The following CDH13 variants were observed in gnomAD, a reference collection of about 807,000 sequenced individuals.
CDH13 encodes cadherin 13, also known as cadherin-13.
A neutral mutation model predicts 63.8 loss-of-function variants in CDH13; 24 were observed. The ratio of observed to expected loss-of-function variants is 0.38; its 90% CI spans 0.27 to 0.53. The LOEUF is 0.53. CDH13 is among the 20% of genes least tolerant of loss of function. The probability of loss-of-function intolerance (pLI) is 0.85; values close to 1 mark genes in which losing one functional copy is unlikely to be tolerated. For synonymous variants in CDH13, 503 were observed against 355.3 expected, an observed-to-expected ratio of 1.42 and a Z score of -4.67; for missense variants, 1,049 against 903.1, an observed-to-expected ratio of 1.16 and a Z score of -2.07.
At chr16:82,872,627 G>T (rs1256224479) in intron 2 of CDH13, among the ~76,000 whole-genome samples, 3 of 152,132 alleles carry the variant, frequency 2.0e-5, no homozygotes, top group African/African-American at 7.2e-5. Context: ...CCCTCTATTT[G>T]TTCTTTTCAC....
chr16:83,286,496 C>G (rs924308711), intron 5 of CDH13, among the ~76,000 whole-genome samples: 2 of 152,086 alleles, frequency 1.3e-5, no homozygotes, highest in Non-Finnish European at 2.9e-5. Context: ...TTCTTCACAC[C>G]TGTAATCCCA....
chr16:83,723,899 G>A (rs1485827021), intron 10 of CDH13, among the ~76,000 whole-genome samples: 3 of 152,244 alleles, frequency 2.0e-5, no homozygotes, highest in African/African-American at 4.8e-5. Flanking sequence ...TGGATGGATA[G>A]ATGGATGGAT....
intron 10 of CDH13, among the ~76,000 whole-genome samples, chr16:83,718,194 C>G (rs1909204830): frequency 6.6e-6 from 1 of 152,170 alleles, no homozygotes; most frequent in Admixed American, 6.5e-5. Flanking sequence ...TCTGCATTGT[C>G]CATCCAGCCA....
chr16:82,977,799 C>G (rs1365106148), intron 2 of CDH13, among the ~76,000 whole-genome samples: 1 of 152,120 alleles, frequency 6.6e-6, no homozygotes, highest in African/African-American at 2.4e-5. Flanking sequence ...GAGGTAGGAA[C>G]AGTTTGGAGG....
chr16:83,760,587 A>G (rs985773225), intron 11 of CDH13, among the ~76,000 whole-genome samples: 3 of 152,252 alleles, frequency 2.0e-5, no homozygotes, highest in African/African-American at 7.2e-5. Context: ...GGCTGAAACA[A>G]GAACACACAT....
Position 83,047,429 on chromosome 16 carries a change from T to C in CDH13, c.366+15211T>C, listed in dbSNP as rs1459461444. 6.6e-6 allele frequency among the ~76,000 whole-genome samples: 1 copy of C among 152,186 alleles called. No homozygotes were observed. The highest frequency in any genetic ancestry group is 2.4e-5 in the African/African-American group (1 of 41,440). ...GCCCTTGTTAACAAAGCCTAGTCTG[T>C]AAGAGCGTGACCACCAGTCTTATTT... On this transcript the variant is annotated intron_variant, in intron 3 of 13. Transcript: ENST00000567109. This position sits in a 1 kb window ranked among gnomAD's most constrained non-coding sequence, Gnocchi z 4.9.
chr16:83,369,945 C>T (rs1488064678), intron 6 of CDH13, among the ~76,000 whole-genome samples: 1 of 152,224 alleles, frequency 6.6e-6, no homozygotes, highest in Non-Finnish European at 1.5e-5. Context: ...TGTCCCTAGA[C>T]TCCCATTCCC....
chr16:82,911,431 G>A (rs1259493366), intron 2 of CDH13, among the ~76,000 whole-genome samples: 1 of 152,062 alleles, frequency 6.6e-6, no homozygotes, highest in Non-Finnish European at 1.5e-5. Context: ...TCCCTGTTTA[G>A]GAAAAAGTGA....
At chr16:83,077,186 CTTTTTTTTTTTTTTT>C (rs34536219) in intron 3 of CDH13, among the ~76,000 whole-genome samples, 3 of 59,144 alleles carry the variant, frequency 5.1e-5, no homozygotes, top group Admixed American at 2.7e-4. Context: ...TTTTTCTTTT[CTTTTTTTTTTTTTTT>C]TTTTTTTTTG....
chr16:83,330,651 G>T (rs887122266), intron 5 of CDH13, among the ~76,000 whole-genome samples: 3 of 152,188 alleles, frequency 2.0e-5, no homozygotes, highest in East Asian at 1.9e-4. Flanking sequence ...GGCCAACTCA[G>T]TACTGAATCC....
At chr16:83,710,769 C>A (rs567740291) in intron 10 of CDH13, among the ~76,000 whole-genome samples, 16 of 152,316 alleles carry the variant, frequency 1.1e-4, no homozygotes, top group Non-Finnish European at 2.1e-4. Flanking sequence ...GTGACTGCCA[C>A]CTCTAAGCAC....
chr16:83,057,732 C>A (rs567448397), intron 3 of CDH13, among the ~76,000 whole-genome samples: 1 of 152,082 alleles, frequency 6.6e-6, no homozygotes, highest in Admixed American at 6.5e-5. Flanking sequence ...TAAGACTTGA[C>A]AATACTAATT....
intron 6 of CDH13, among the ~76,000 whole-genome samples, chr16:83,354,412 A>G (rs541566509): frequency 1.3e-5 from 2 of 152,278 alleles, no homozygotes; most frequent in South Asian, 2.1e-4. Flanking sequence ...GGCAGTTTCT[A>G]TGAGTCAGAT....
intron 11 of CDH13, among the ~76,000 whole-genome samples, chr16:83,769,917 C>T (rs1163529749): frequency 1.3e-5 from 2 of 152,050 alleles, no homozygotes; most frequent in Admixed American, 1.3e-4. Flanking sequence ...GTAATTAAAC[C>T]ACCTCAGAAA....
At chr16:83,652,913 T>C (rs1912522355) in intron 8 of CDH13, among the ~76,000 whole-genome samples, 1 of 152,134 alleles carries the variant, frequency 6.6e-6, no homozygotes, top group Non-Finnish European at 1.5e-5. Flanking sequence ...GTCCATCAAC[T>C]GATAAATGGA....
At chr16:82,890,671 A>T (rs1374290928) in intron 2 of CDH13, among the ~76,000 whole-genome samples, 3 of 144,768 alleles carry the variant, frequency 2.1e-5, no homozygotes, top group African/African-American at 7.6e-5. Context: ...TTTTTTTCCA[A>T]GACTAACTTT....
intron 2 of CDH13, among the ~76,000 whole-genome samples, chr16:82,937,709 C>G (rs1482257137): frequency 2.0e-5 from 3 of 152,138 alleles, no homozygotes; most frequent in Admixed American, 6.5e-5. Flanking sequence ...TTTCTATGAA[C>G]CAAATGTAGG....
intron 7 of CDH13, among the ~76,000 whole-genome samples, chr16:83,530,885 G>C (rs747117168): frequency 6.6e-6 from 1 of 152,222 alleles, no homozygotes; most frequent in African/African-American, 2.4e-5. Context: ...TGGTGGGTCA[G>C]AGGCAGAGCT....
intron 4 of CDH13, among the ~76,000 whole-genome samples, chr16:83,146,519 C>A (rs1039412286): frequency 3.9e-5 from 6 of 152,340 alleles, no homozygotes; most frequent in Non-Finnish European, 7.3e-5. Flanking sequence ...GCAGGAGTAA[C>A]AGGAAGGTTT....
Sources: gnomAD v4.1 joint callset for allele counts (sites outside exome capture counted in the v4.1 genomes callset) on GRCh38, gnomAD v4.1.1 for gene constraint, Gnocchi (gnomAD v3.1) non-coding constraint, MANE v1.5 for transcripts, NCBI Gene and HGNC (gene_info 2026-07-23, HGNC 2026-07-21) for gene names.